The following CAMKMT variants were observed in gnomAD, a reference collection of about 807,000 sequenced individuals.
CAMKMT encodes the protein CaM KMT.
A neutral mutation model predicts 48.0 loss-of-function variants in CAMKMT; 53 were observed. The observed-to-expected ratio is 1.10, with a 90% CI of 0.89 to 1.39. The LOEUF is 1.39. Ranked by LOEUF, CAMKMT falls within the 40% of genes most tolerant of loss-of-function variation. CAMKMT has a pLI of 0.00. For missense variants in CAMKMT, 428 were observed against 402.7 expected (o/e 1.06, Z -0.54); for synonymous variants, 165 against 152.3 (o/e 1.08, Z -0.61).
intron 3 of CAMKMT, among the ~76,000 whole-genome samples, chr2:44,497,492 TA>T (rs898625810): frequency 1.1e-4 from 17 of 151,678 alleles, no homozygotes; most frequent in African/African-American, 4.1e-4. Context: ...TAAGAGAGAG[TA>T]AAAAAAATCC....
At chr2:44,447,498 TC>T (rs554099855) in intron 3 of CAMKMT, among the ~76,000 whole-genome samples, 1 of 152,176 alleles carries the variant, frequency 6.6e-6, no homozygotes. Context: ...AAACAGCCCA[TC>T]CCCCCCAACC....
At position 44,730,636 on chromosome 2, in the gene CAMKMT, T is replaced by A. The variant is rs74355756; in HGVS notation, c.624-12986T>A. Among the ~76,000 whole-genome samples the A allele has an allele frequency of 5.9e-3, 896 of 152,310 alleles. 7 individuals are homozygous for A. The highest frequency in any genetic ancestry group is 0.02 in the African/African-American group (819 of 41,552). On this transcript the variant is annotated intron_variant, in intron 7 of 10. Coordinates refer to ENST00000378494, the MANE Select transcript of CAMKMT (RefSeq NM_024766.5). Reference sequence around the variant, plus strand: ...TTCTCTAAGTGTTTAAAACACTTTCTTAGAGAGGCTTCTATGATATGGAAG... The same window carrying A: ...TTCTCTAAGTGTTTAAAACACTTTCATAGAGAGGCTTCTATGATATGGAAG...
chr2:44,373,474 G>T (rs1409213252), intron 2 of CAMKMT, among the ~76,000 whole-genome samples: 2 of 152,146 alleles, frequency 1.3e-5, no homozygotes, highest in Non-Finnish European at 2.9e-5. Flanking sequence ...TTCTCTCACA[G>T]TTATGTTCTA....
At chr2:44,446,281 G>A (rs1231215567) in intron 3 of CAMKMT, among the ~76,000 whole-genome samples, 1 of 151,878 alleles carries the variant, frequency 6.6e-6, no homozygotes, top group African/African-American at 2.4e-5. Context: ...TATGTGTCAG[G>A]TTCAGTTGCG....
At chr2:44,649,005 G>C (rs1673910604) in intron 3 of CAMKMT, among the ~76,000 whole-genome samples, 1 of 152,164 alleles carries the variant, frequency 6.6e-6, no homozygotes, top group Admixed American at 6.5e-5. Context: ...GATTAAATGA[G>C]ATATTTAATA....
chr2:44,678,625 C>G (rs1048257081), intron 3 of CAMKMT, among the ~76,000 whole-genome samples: 2 of 152,176 alleles, frequency 1.3e-5, no homozygotes, highest in African/African-American at 4.8e-5. Flanking sequence ...CAGCAAAAAA[C>G]GGACAATACT....
intron 10 of CAMKMT, 76 bp downstream of exon 10, chr2:44,766,637 T>A: frequency 1.3e-6 from 2 of 1,521,418 alleles, no homozygotes; most frequent in Non-Finnish European, 9.0e-7. Flanking sequence ...TTTTGGCAGG[T>A]AACCTAAATA....
At chr2:44,518,247 G>A (rs112461078) in intron 3 of CAMKMT, among the ~76,000 whole-genome samples, 3,758 of 151,948 alleles carry the variant, frequency 0.025, 66 homozygotes, top group Non-Finnish European at 0.034. Flanking sequence ...TCTAGTCATC[G>A]AGAATCAACA....
intron 7 of CAMKMT, among the ~76,000 whole-genome samples, chr2:44,741,103 A>C (rs1315334409): frequency 6.6e-6 from 1 of 152,242 alleles, no homozygotes; most frequent in Non-Finnish European, 1.5e-5. Context: ...CTGCTGCGAC[A>C]TCCAAGCATA....
chr2:44,577,397 T>C (rs1669279581), intron 3 of CAMKMT, among the ~76,000 whole-genome samples: 1 of 152,082 alleles, frequency 6.6e-6, no homozygotes, highest in South Asian at 2.1e-4. Context: ...GGCAGGAAGA[T>C]CGTTTAAGTT....
At chr2:44,445,666 TTTTTTTTTTTTTTTTTTTTTTTTTTTTA>T (rs1187118503) in intron 3 of CAMKMT, among the ~76,000 whole-genome samples, 6 of 14,132 alleles carry the variant, frequency 4.2e-4, no homozygotes, top group Admixed American at 1.1e-3. Context: ...TTTTTTTTTT[TTTTTTTTTTTTTTTTTTTTTTTTTTTTA>T]CCAGTTGGGC....
Position 44,588,306 on chromosome 2 carries a change from G to C in CAMKMT, c.377-115977G>C, listed in dbSNP as rs1378611466. On this transcript the variant is annotated intron_variant, in intron 3 of 10. Coordinates refer to ENST00000378494, the MANE Select transcript of CAMKMT (RefSeq NM_024766.5). ...GCAGCCACCCCGTCCGGGAGGGAGGGGGGGGGTCAGCCCCCCGCCCGGCCA... is the reference window on the plus strand; with the variant it reads ...GCAGCCACCCCGTCCGGGAGGGAGGCGGGGGGTCAGCCCCCCGCCCGGCCA... 1.1e-4 allele frequency among the ~76,000 whole-genome samples: 8 copies of C among 73,470 alleles called. No individual in the cohort carries two copies. The Admixed American group carries it at 1.1e-3, about 11-fold the overall frequency. The allele number at this position is 73,470 out of a possible 152,430, so 48.2% of individuals were successfully genotyped here.
chr2:44,445,678 TTTTTTTTTTTTTTTTA>T (rs1412340472), intron 3 of CAMKMT, among the ~76,000 whole-genome samples: 5 of 112,612 alleles, frequency 4.4e-5, no homozygotes, highest in African/African-American at 1.7e-4. Flanking sequence ...TTTTTTTTTT[TTTTTTTTTTTTTTTTA>T]CCAGTTGGGC....
At chr2:44,524,571 C>T (rs1393280811) in intron 3 of CAMKMT, among the ~76,000 whole-genome samples, 1 of 148,330 alleles carries the variant, frequency 6.7e-6, no homozygotes, top group Non-Finnish European at 1.5e-5. Context: ...TTCTTCCTTC[C>T]TCTTCCCTCA....
At chr2:44,364,536 C>G (rs1678389547) in intron 1 of CAMKMT, among the ~76,000 whole-genome samples, 1 of 152,174 alleles carries the variant, frequency 6.6e-6, no homozygotes, top group Non-Finnish European at 1.5e-5. Context: ...ACATCCTCTG[C>G]ACCTAGCACA....
At position 44,372,894 on chromosome 2, in the gene CAMKMT, C is replaced by T. The variant is rs373145972; in HGVS notation, c.311+6C>T. 1.9e-6 allele frequency: 3 copies of T among 1,600,736 alleles called. No individual in the cohort carries two copies. The highest frequency in any genetic ancestry group is 2.6e-6 in the Non-Finnish European group (3 of 1,175,600). On this transcript the variant is annotated splice_donor_region_variant and intron_variant, in intron 2 of 10. Coordinates refer to ENST00000378494, the MANE Select transcript of CAMKMT (RefSeq NM_024766.5). ...GAATACAGTATCTCCTTAAGGTAAC[C>T]ATTATTCTAGTTAAGATTTTGTAAA... is the stretch of plus-strand genomic sequence containing the variant.
chr2:44,647,467 C>T (rs149812728), intron 3 of CAMKMT, among the ~76,000 whole-genome samples: 17 of 152,204 alleles, frequency 1.1e-4, no homozygotes, highest in South Asian at 2.1e-4. Flanking sequence ...GATCATGATG[C>T]GCATGTGTTA....
intron 3 of CAMKMT, among the ~76,000 whole-genome samples, chr2:44,419,290 C>A (rs912362724): frequency 6.6e-6 from 1 of 152,172 alleles, no homozygotes; most frequent in African/African-American, 2.4e-5. Context: ...TGCTGGAAAG[C>A]ACAGTGATGG....
chr2:44,372,489 A>C (rs7594346), intron 1 of CAMKMT, among the ~76,000 whole-genome samples: 25,236 of 151,482 alleles, frequency 0.17, 4,123 homozygotes, highest in African/African-American at 0.42. Flanking sequence ...AAAAGATATC[A>C]GACTTGTAAA....
Sources: gnomAD v4.1 joint callset for allele counts (sites outside exome capture counted in the v4.1 genomes callset) on GRCh38, gnomAD v4.1.1 for gene constraint, MANE v1.5 for transcripts, NCBI Gene and HGNC (gene_info 2026-07-23, HGNC 2026-07-21) for gene names.